MGLL: variants seen among roughly 807,000 people sequenced by gnomAD.
The protein encoded by MGLL is monoglyceride lipase, also known as lysophospholipase homolog.
MGLL carries 7 observed loss-of-function variants against 29.1 expected under a neutral mutation model. The observed-to-expected ratio is 0.24, with a 90% CI of 0.14 to 0.45. The LOEUF (loss-of-function observed/expected upper bound fraction) is 0.45, where lower values mean the gene tolerates loss of function less well. Among genes scored for constraint, MGLL ranks in the 20% least tolerant of loss-of-function variants. The pLI is 0.99. For synonymous variants in MGLL, 148 were observed against 168.3 expected (o/e 0.88, Z 0.93); for missense variants, 356 against 413.6 (o/e 0.86, Z 1.21).
At chr3:127,760,607 G>A (rs542857267) in intron 3 of MGLL, among the ~76,000 whole-genome samples, 6 of 152,320 alleles carry the variant, frequency 3.9e-5, no homozygotes, top group South Asian at 4.1e-4. Flanking sequence ...TCCTGGAGCC[G>A]CTGCGGCACT....
At chr3:127,796,612 G>A (rs1368798757) in intron 2 of MGLL, among the ~76,000 whole-genome samples, 2 of 152,158 alleles carry the variant, frequency 1.3e-5, no homozygotes, top group Non-Finnish European at 1.5e-5. Context: ...TGGGTCAGCA[G>A]GACATAAGAA....
chr3:127,773,012 C>A (rs970267118), intron 3 of MGLL, among the ~76,000 whole-genome samples: 6 of 152,310 alleles, frequency 3.9e-5, no homozygotes, highest in African/African-American at 1.4e-4. Context: ...GCCACCCAGT[C>A]TAGAGTGTTC....
chr3:127,693,748 CG>C lies in MGLL; in HGVS notation c.816+1226del, dbSNP rs901646346. 4.6e-5 allele frequency among the ~76,000 whole-genome samples: 7 copies of C among 152,202 alleles called. No homozygotes were observed. In the East Asian group the frequency reaches 1.4e-3, roughly 29 times the overall value. ...GCTCATCCCACCAGGATACAGGTTC[CG>C]GGGGGGCAGGGCAGAGCCTTTGCCT... On this transcript the variant is annotated intron_variant, in intron 7 of 7. Transcript: ENST00000265052.
chr3:127,694,306 T>G (rs2075308817), intron 7 of MGLL, among the ~76,000 whole-genome samples: 1 of 128,650 alleles, frequency 7.8e-6, no homozygotes, highest in Non-Finnish European at 1.7e-5. Flanking sequence ...TATATATATA[T>G]ATGTATGTGT....
intron 5 of MGLL, among the ~76,000 whole-genome samples, chr3:127,717,056 A>G (rs766354010): frequency 1.6e-4 from 24 of 152,216 alleles, no homozygotes; most frequent in Non-Finnish European, 2.2e-4. Context: ...GTGTCTAGAA[A>G]GCCCAACACC....
intron 3 of MGLL, among the ~76,000 whole-genome samples, chr3:127,724,288 C>T (rs915533619): frequency 1.3e-5 from 2 of 152,158 alleles, no homozygotes; most frequent in African/African-American, 4.8e-5. Flanking sequence ...ACTCTAGGGA[C>T]TTCATTTGAG....
chr3:127,753,580 C>T (rs979422153), intron 3 of MGLL, among the ~76,000 whole-genome samples: 28 of 152,314 alleles, frequency 1.8e-4, no homozygotes, highest in African/African-American at 6.5e-4. Context: ...CTTGCCTCAT[C>T]GAATCAGCAT....
chr3:127,718,785 C>T (rs554921112), intron 5 of MGLL, among the ~76,000 whole-genome samples: 24 of 152,296 alleles, frequency 1.6e-4, no homozygotes, highest in African/African-American at 5.1e-4. Context: ...TCCCTGCATC[C>T]TCCTTCATAT....
chr3:127,726,470 C>T (rs1408220181), intron 3 of MGLL, among the ~76,000 whole-genome samples: 1 of 152,008 alleles, frequency 6.6e-6, no homozygotes, highest in Non-Finnish European at 1.5e-5. Context: ...GTAGGAGTCT[C>T]ACTCTGTTGC....
chr3:127,816,795 C>T (rs373932253), intron 2 of MGLL, among the ~76,000 whole-genome samples: 4 of 152,186 alleles, frequency 2.6e-5, no homozygotes, highest in Admixed American at 6.5e-5. Flanking sequence ...GCCCCACTCC[C>T]GGGAGCAAGG....
intron 3 of MGLL, among the ~76,000 whole-genome samples, chr3:127,731,624 T>C (rs1365787513): frequency 6.6e-6 from 1 of 152,112 alleles, no homozygotes; most frequent in Non-Finnish European, 1.5e-5. Flanking sequence ...CAGCCTTGCA[T>C]CTGAGAGCCC....
Position 127,735,959 on chromosome 3 carries a change from C to T in MGLL, c.263-13393G>A, listed in dbSNP as rs60999860. 8.5e-3 allele frequency: 12,359 copies of T among 1,454,052 alleles called. 288 individuals are homozygous for T. Among genetic ancestry groups the T allele is most frequent in the East Asian group, 0.062 (2,479 of 40,202 alleles). The allele number at this position is 1,454,052 out of a possible 1,614,324, so 90.1% of individuals were successfully genotyped here. A position where few individuals can be genotyped will look rare whatever the true frequency, so the allele number is the denominator to read the frequency against. On this transcript the variant is annotated intron_variant, in intron 3 of 7. Transcript: ENST00000265052. Reference sequence around the variant, plus strand: ...AATCCTGGCTCTCTTAGAGTGCAAGCGTTAAACCATCTTTCGGCTCAGTTC... The same window carrying T: ...AATCCTGGCTCTCTTAGAGTGCAAGTGTTAAACCATCTTTCGGCTCAGTTC...
chr3:127,730,990 G>C (rs1178572614), intron 3 of MGLL, among the ~76,000 whole-genome samples: 2 of 152,206 alleles, frequency 1.3e-5, no homozygotes, highest in Non-Finnish European at 2.9e-5. Context: ...GGCAGAAGGT[G>C]GGTGTTTGAT....
chr3:127,722,028 C>T (rs995049928), intron 4 of MGLL, among the ~76,000 whole-genome samples: 11 of 152,220 alleles, frequency 7.2e-5, no homozygotes, highest in Non-Finnish European at 8.8e-5. Flanking sequence ...GACCCTCTGT[C>T]CCTAGTTAAC....
At chr3:127,727,452 C>T (rs566902710) in intron 3 of MGLL, among the ~76,000 whole-genome samples, 1 of 152,224 alleles carries the variant, frequency 6.6e-6, no homozygotes, top group Admixed American at 6.5e-5. Context: ...TGGCTCATGC[C>T]TGTAATCCCA....
chr3:127,819,314 G>GA (rs2077816124), intron 2 of MGLL, among the ~76,000 whole-genome samples: 1 of 152,158 alleles, frequency 6.6e-6, no homozygotes, highest in Non-Finnish European at 1.5e-5. Context: ...TGGTTGGCCA[G>GA]AAAATCTACC....
chr3:127,697,938 G>A (rs555115227), intron 6 of MGLL, among the ~76,000 whole-genome samples: 33 of 152,300 alleles, frequency 2.2e-4, no homozygotes, highest in Non-Finnish European at 2.8e-4. Context: ...CCTGTTGCTA[G>A]CGATGTCTTA....
chr3:127,773,430 A>T (rs2076982129), intron 3 of MGLL, among the ~76,000 whole-genome samples: 1 of 152,252 alleles, frequency 6.6e-6, no homozygotes, highest in Non-Finnish European at 1.5e-5. Flanking sequence ...CAGATAAGGT[A>T]TGAACATGTA....
At chr3:127,707,496 G>T (rs986437022) in intron 6 of MGLL, among the ~76,000 whole-genome samples, 7 of 152,236 alleles carry the variant, frequency 4.6e-5, no homozygotes, top group African/African-American at 1.7e-4. Flanking sequence ...TCTGATCAGG[G>T]ACCCTAAATA....
Sources: gnomAD v4.1 joint callset for allele counts (sites outside exome capture counted in the v4.1 genomes callset) on GRCh38, gnomAD v4.1.1 for gene constraint, MANE v1.5 for transcripts, NCBI Gene and HGNC (gene_info 2026-07-23, HGNC 2026-07-21) for gene names.